CHN2: variants seen among roughly 807,000 people sequenced by gnomAD.
CHN2 encodes chimerin 2.
In CHN2, 35 loss-of-function variants were observed where a neutral mutation model predicts 56.3. The observed-to-expected ratio is 0.62, with a 90% confidence interval of 0.47 to 0.82. CHN2 has a LOEUF of 0.82. CHN2 is among the 40% of genes least tolerant of loss of function. The pLI, the probability that CHN2 is intolerant of heterozygous loss-of-function variation, is 0.00. For synonymous variants in CHN2, 210 were observed against 212.8 expected, an observed-to-expected ratio of 0.99 and a Z score of 0.12; for missense variants, 491 against 580.5, an observed-to-expected ratio of 0.85 and a Z score of 1.58.
At chr7:29,161,646 T>G (rs573995552) in intron 2 of CHN2, among the ~76,000 whole-genome samples, 1 of 152,334 alleles carries the variant, frequency 6.6e-6, no homozygotes, top group Admixed American at 6.5e-5. Flanking sequence ...GCCTTTTCAC[T>G]GAATTTTTAA....
chr7:29,384,550 C>A (rs557911006), intron 3 of CHN2, among the ~76,000 whole-genome samples: 7 of 152,216 alleles, frequency 4.6e-5, no homozygotes, highest in Middle Eastern at 3.4e-3. Context: ...GGGTCAAGGT[C>A]AATAGGACTG....
chr7:29,189,534 C>T (rs971726233), intron 2 of CHN2, among the ~76,000 whole-genome samples: 6 of 152,144 alleles, frequency 3.9e-5, no homozygotes, highest in Non-Finnish European at 5.9e-5. Flanking sequence ...TCTCTTAGGA[C>T]ATTGAAGACA....
chr7:29,410,488 G>C (rs549216308), intron 6 of CHN2, among the ~76,000 whole-genome samples: 1 of 151,628 alleles, frequency 6.6e-6, no homozygotes, highest in Admixed American at 6.6e-5. Context: ...GAAATGGAGA[G>C]TATATTTGCA....
chr7:29,172,212 T>C (rs1266472886), intron 2 of CHN2, among the ~76,000 whole-genome samples: 1 of 152,120 alleles, frequency 6.6e-6, no homozygotes, highest in Non-Finnish European at 1.5e-5. Flanking sequence ...TGTAAATCAT[T>C]AAAACAGCAC....
At chr7:29,187,265 G>C (rs1006121646) in intron 2 of CHN2, among the ~76,000 whole-genome samples, 2 of 152,068 alleles carry the variant, frequency 1.3e-5, no homozygotes, top group African/African-American at 4.8e-5. Flanking sequence ...AATTCCACCA[G>C]GTTTCTCACC....
chr7:29,508,866 G>A (rs1562676468), intron 11 of CHN2, among the ~76,000 whole-genome samples: 1 of 152,106 alleles, frequency 6.6e-6, no homozygotes, highest in Non-Finnish European at 1.5e-5. Flanking sequence ...AATGTATTAG[G>A]TTGTAGAAGT....
intron 1 of CHN2, among the ~76,000 whole-genome samples, chr7:29,328,893 A>G (rs1796006938): frequency 6.6e-6 from 1 of 152,186 alleles, no homozygotes; most frequent in Non-Finnish European, 1.5e-5. Context: ...AAAGTTTTGC[A>G]ATAACTGCTG....
At position 29,340,408 on chromosome 7, in the gene CHN2, G is replaced by C. The variant is rs559574562; in HGVS notation, c.50-14217G>C. On this transcript the variant is annotated intron_variant, in intron 1 of 12. Coordinates refer to ENST00000222792, the MANE Select transcript of CHN2 (RefSeq NM_004067.4). ...TCTGCAGGGGGTTGCTTGGGGGGGG[G>C]CCTCAATATTTAGCAGCCCTGAACA... 2.8e-4 allele frequency among the ~76,000 whole-genome samples: 42 copies of C among 150,802 alleles called. No individual in the cohort carries two copies. In the East Asian group the frequency reaches 8.0e-3, roughly 29 times the overall value.
intron 6 of CHN2, among the ~76,000 whole-genome samples, chr7:29,431,328 G>A (rs542490206): frequency 6.6e-6 from 1 of 152,138 alleles, no homozygotes. Context: ...ATCCAAACTG[G>A]ATTATAGAGT....
chr7:29,247,929 C>T (rs1488729336), intron 1 of CHN2, among the ~76,000 whole-genome samples: 1 of 152,230 alleles, frequency 6.6e-6, no homozygotes, highest in Non-Finnish European at 1.5e-5. Flanking sequence ...GAAACAGCAT[C>T]ATTGCATGTG....
chr7:29,407,519 C>T (rs1400120074), intron 6 of CHN2, among the ~76,000 whole-genome samples: 1 of 152,046 alleles, frequency 6.6e-6, no homozygotes, highest in Non-Finnish European at 1.5e-5. Context: ...GTCTAAAGAA[C>T]CTATAGATTT....
At chr7:29,179,236 A>G (rs1158960832) in intron 2 of CHN2, among the ~76,000 whole-genome samples, 1 of 152,200 alleles carries the variant, frequency 6.6e-6, no homozygotes, top group African/African-American at 2.4e-5. Context: ...ATCCCCTCAC[A>G]CAGCACTGCA....
intron 1 of CHN2, among the ~76,000 whole-genome samples, chr7:29,301,101 T>A (rs1793622167): frequency 6.6e-6 from 1 of 152,160 alleles, no homozygotes; most frequent in African/African-American, 2.4e-5. Flanking sequence ...ATTTGTATAG[T>A]CCCCTAATAA....
Position 29,431,179 on chromosome 7 carries a change from T to C in CHN2, c.576+30351T>C, listed in dbSNP as rs566440757. ...ACATTTAGGGAAGTTTTGCCCCTGC[T>C]CCTGGGATAAATGCTCTGTTATGCC... On this transcript the variant is annotated intron_variant, in intron 6 of 12. Transcript: ENST00000222792. Among the ~76,000 whole-genome samples, 42 of 152,312 alleles carry C rather than the reference T, an allele frequency of 2.8e-4. No homozygotes were observed. In the South Asian group the frequency reaches 8.5e-3, roughly 31 times the overall value.
At chr7:29,399,381 G>A (rs186512587) in intron 5 of CHN2, among the ~76,000 whole-genome samples, 52 of 152,296 alleles carry the variant, frequency 3.4e-4, no homozygotes, top group African/African-American at 1.1e-3. Context: ...GGAACCTGTC[G>A]TGAGGGCAGT....
chr7:29,229,708 C>T (rs903550306), intron 1 of CHN2, among the ~76,000 whole-genome samples: 4 of 152,120 alleles, frequency 2.6e-5, no homozygotes, highest in Non-Finnish European at 4.4e-5. Context: ...TGGGGCTGGG[C>T]GTGGTGGCTC....
intron 6 of CHN2, among the ~76,000 whole-genome samples, chr7:29,436,169 G>A (rs1031763652): frequency 6.6e-6 from 1 of 152,020 alleles, no homozygotes; most frequent in African/African-American, 2.4e-5. Flanking sequence ...GGGATCTCCT[G>A]AAAGGGCATA....
Position 29,217,532 on chromosome 7 carries a change from C to T in CHN2, c.49+22542C>T, listed in dbSNP as rs538550515. Among the ~76,000 whole-genome samples, 8 of 152,192 alleles carry T rather than the reference C, an allele frequency of 5.3e-5. No individual in the cohort carries two copies. In the East Asian group the frequency reaches 5.8e-4, roughly 11 times the overall value. On this transcript the variant is annotated intron_variant, in intron 1 of 12. Transcript: ENST00000222792. ...CTGAAAATGCCCTGAAAGTTTATGA[C>T]GTATCAAATATTTCTAATTAAAATA...
intron 1 of CHN2, among the ~76,000 whole-genome samples, chr7:29,332,207 A>T (rs1464918520): frequency 6.6e-6 from 1 of 152,140 alleles, no homozygotes; most frequent in East Asian, 1.9e-4. Flanking sequence ...TTGGCCCCTT[A>T]CCAGCTGGGC....
Sources: allele counts gnomAD v4.1 joint callset (sites outside exome capture counted in the v4.1 genomes callset), GRCh38; gene constraint gnomAD v4.1.1; transcripts MANE v1.5; gene names NCBI Gene and HGNC (gene_info 2026-07-23, HGNC 2026-07-21).